Variants in BCL11B observed in about 807,000 individuals in gnomAD.
The protein encoded by BCL11B is BCL11 transcription factor B, also known as B-cell lymphoma/leukemia 11B.
In BCL11B, 8 loss-of-function variants were observed where a neutral mutation model predicts 49.9. The ratio of observed to expected loss-of-function variants is 0.16; its 90% CI spans 0.09 to 0.29. BCL11B has a LOEUF of 0.29. BCL11B is among the 10% of genes least tolerant of loss of function. The probability of loss-of-function intolerance (pLI) is 1.00; values close to 1 mark genes in which losing one functional copy is unlikely to be tolerated. For synonymous variants in BCL11B, 739 were observed against 637.4 expected (o/e 1.16, Z -2.40); for missense variants, 1,006 against 1,351.0 (o/e 0.74, Z 4.00).
intron 2 of BCL11B, among the ~76,000 whole-genome samples, chr14:99,239,301 A>G (rs1281536205): frequency 6.6e-6 from 1 of 152,258 alleles, no homozygotes; most frequent in Non-Finnish European, 1.5e-5. Flanking sequence ...AGCCACAAAC[A>G]GTATACTACA....
intron 1 of BCL11B, among the ~76,000 whole-genome samples, chr14:99,266,696 T>C (rs1889492717): frequency 6.6e-6 from 1 of 152,258 alleles, no homozygotes; most frequent in African/African-American, 2.4e-5. Context: ...TAGCCCATTG[T>C]AGCGGAGGCG....
At chr14:99,246,313 A>G (rs1286803759) in intron 2 of BCL11B, among the ~76,000 whole-genome samples, 1 of 152,136 alleles carries the variant, frequency 6.6e-6, no homozygotes, top group African/African-American at 2.4e-5. Context: ...TTATGCATGG[A>G]CCTTGAGCCC....
chr14:99,225,063 C>T (rs1310842316), intron 3 of BCL11B, among the ~76,000 whole-genome samples: 1 of 152,180 alleles, frequency 6.6e-6, no homozygotes, highest in South Asian at 2.1e-4. Context: ...CAGAGCTCTA[C>T]CTGCTACCAA....
rs1254675244 is a variant in BCL11B, at chr14:99,241,980, G to A, written c.428-10423C>T. Among the ~76,000 whole-genome samples the A allele has an allele frequency of 1.3e-5, 2 of 152,142 alleles. No homozygotes were observed. The highest frequency in any genetic ancestry group is 2.9e-5 in the Non-Finnish European group (2 of 68,030). On this transcript the variant is annotated intron_variant, in intron 2 of 3. Coordinates refer to ENST00000357195, the MANE Select transcript of BCL11B (RefSeq NM_138576.4). The surrounding 1 kb of genome is among the most constrained non-coding windows in gnomAD (Gnocchi z 4.4). The stretch of plus-strand genomic sequence containing the variant: ...CATGATTTATTTAGCTGTGTTTAAC[G>A]TGTCTGTCCTCCACTCGACTACAAG...
rs1888879334 is a variant in BCL11B at position 99,247,402 on chromosome 14, G to A, written c.427+10069C>T. On this transcript the variant is annotated intron_variant, in intron 2 of 3. Transcript: ENST00000357195. This position sits in a 1 kb window ranked among gnomAD's most constrained non-coding sequence, Gnocchi z 4.5. Reference sequence around the variant, plus strand: ...TACCAACTCCAACAGTTTTTAGCCAGCTGCTGAAGGTGGCAGGGAGTCACT... The same window carrying A: ...TACCAACTCCAACAGTTTTTAGCCAACTGCTGAAGGTGGCAGGGAGTCACT... Among the ~76,000 whole-genome samples the A allele has an allele frequency of 6.6e-6, 1 of 152,174 alleles. No homozygotes were observed. Among genetic ancestry groups the A allele is most frequent in the Non-Finnish European group, 1.5e-5 (1 of 68,034 alleles).
chr14:99,176,777 G>A (rs1198731797), intron 3 of BCL11B, among the ~76,000 whole-genome samples: 1 of 152,096 alleles, frequency 6.6e-6, no homozygotes, highest in Non-Finnish European at 1.5e-5. Flanking sequence ...CGGTTGCGAG[G>A]ACCAAAAATG....
intron 2 of BCL11B, among the ~76,000 whole-genome samples, chr14:99,251,491 C>A (rs935742417): frequency 4.6e-5 from 7 of 151,898 alleles, no homozygotes; most frequent in Non-Finnish European, 8.8e-5. Flanking sequence ...CACAATTCCA[C>A]AAAATAAAAC....
Position 99,174,833 on chromosome 14 carries a change from A to G in BCL11B, c.2003T>C (p.Leu668Pro), listed in dbSNP as rs1886423777. The G allele has an allele frequency of 1.5e-6, 2 of 1,331,398 alleles. No individual in the cohort carries two copies. Among genetic ancestry groups the G allele is most frequent in the African/African-American group, 1.5e-5 (1 of 65,098 alleles). The allele number at this position is 1,331,398 out of a possible 1,614,324, so 82.5% of individuals were successfully genotyped here. Residue 668 changes from leucine (L) to proline (P), a missense_variant, in exon 4 of 4, where the codon CTC becomes CCC. Leu to Pro is a moderately conservative substitution (Grantham distance 98). Transcript: ENST00000357195. ...FAPGTEPFPG[L>P]FPRKPAPLPS... ...CAGCGGCGCGGGCTTGCGCGGGAAG[A>G]GCCCGGGGAAGGGCTCGGTGCCTGG...
At chr14:99,246,829 T>C (rs1156956648) in intron 2 of BCL11B, among the ~76,000 whole-genome samples, 2 of 151,948 alleles carry the variant, frequency 1.3e-5, no homozygotes, top group Non-Finnish European at 2.9e-5. Context: ...GAGGCCAAGC[T>C]TGAGGAGGGG....
chr14:99,271,595 C>G lies in BCL11B; in HGVS notation c.-377G>C, dbSNP rs1292311507. ...TATATTCTTTCGAAGGAAAAAAAAT[C>G]TCTTACACTTCTTCAAACTGCTTGG... On this transcript the variant is annotated 5_prime_UTR_variant, in exon 1 of 4. Transcript: ENST00000357195. 2 of 194,030 alleles carry G rather than the reference C, an allele frequency of 1.0e-5. No individual in the cohort carries two copies. Among genetic ancestry groups the G allele is most frequent in the Non-Finnish European group, 2.2e-5 (2 of 93,012 alleles). The allele number at this position is 194,030 out of a possible 1,614,324, so 12.0% of individuals were successfully genotyped here.
At chr14:99,245,461 C>T (rs1047039279) in intron 2 of BCL11B, among the ~76,000 whole-genome samples, 2 of 152,242 alleles carry the variant, frequency 1.3e-5, no homozygotes, top group Admixed American at 1.3e-4. Context: ...TGAGATGGGG[C>T]TGTTGCCCCT....
At chr14:99,239,611 T>C (rs1305951409) in intron 2 of BCL11B, among the ~76,000 whole-genome samples, 1 of 152,212 alleles carries the variant, frequency 6.6e-6, no homozygotes, top group Non-Finnish European at 1.5e-5. Context: ...CATCTTCAGA[T>C]TGGGTGCCTA....
chr14:99,234,547 C>T (rs1242902150), intron 2 of BCL11B, among the ~76,000 whole-genome samples: 1 of 152,146 alleles, frequency 6.6e-6, no homozygotes. Flanking sequence ...GATTCAAATT[C>T]CTCCTCGGCT....
intron 3 of BCL11B, among the ~76,000 whole-genome samples, chr14:99,214,119 T>C (rs1368168185): frequency 1.3e-5 from 2 of 152,198 alleles, no homozygotes; most frequent in African/African-American, 2.4e-5. Context: ...CCTTCCCTTC[T>C]GGCACAGTGA....
At chr14:99,225,657 A>AAAAG (rs148489102) in intron 3 of BCL11B, among the ~76,000 whole-genome samples, 4,645 of 152,240 alleles carry the variant, frequency 0.031, 103 homozygotes, top group Middle Eastern at 0.058. Flanking sequence ...AAAAGGGAAA[A>AAAAG]AAAGAAAGAA....
At chr14:99,226,458 C>T (rs931795634) in intron 3 of BCL11B, among the ~76,000 whole-genome samples, 9 of 152,314 alleles carry the variant, frequency 5.9e-5, no homozygotes, top group East Asian at 3.9e-4. Context: ...AGAATCAAGG[C>T]GACGCATCAG....
intron 3 of BCL11B, among the ~76,000 whole-genome samples, chr14:99,185,398 C>T (rs947174952): frequency 3.3e-5 from 5 of 151,014 alleles, no homozygotes; most frequent in African/African-American, 7.3e-5. Flanking sequence ...GATCACACCA[C>T]TGCACTCCAG....
intron 3 of BCL11B, among the ~76,000 whole-genome samples, chr14:99,206,904 T>C (rs1887547271): frequency 6.6e-6 from 1 of 152,194 alleles, no homozygotes; most frequent in African/African-American, 2.4e-5. Context: ...GAGAGACCAC[T>C]TGGCCCACGA....
chr14:99,246,002 G>C (rs1888822292), intron 2 of BCL11B, among the ~76,000 whole-genome samples: 1 of 152,154 alleles, frequency 6.6e-6, no homozygotes, highest in Admixed American at 6.5e-5. Flanking sequence ...AGTGCTCCGA[G>C]GAAGCCTGCA....
Sources: gnomAD v4.1 joint callset for allele counts (sites outside exome capture counted in the v4.1 genomes callset) on GRCh38, gnomAD v4.1.1 for gene constraint, Gnocchi (gnomAD v3.1) non-coding constraint, MANE v1.5 for transcripts, NCBI Gene and HGNC (gene_info 2026-07-23, HGNC 2026-07-21) for gene names.